Variants in SOX5 observed in about 807,000 individuals in gnomAD.
The protein encoded by SOX5 is transcription factor SOX-5.
A neutral mutation model predicts 92.0 loss-of-function variants in SOX5; 9 were observed. That is an observed-to-expected ratio of 0.10 (90% CI 0.06 to 0.17). The LOEUF is 0.17. Ranked by LOEUF, SOX5 falls within the 10% of genes least tolerant of loss-of-function variation. SOX5 has a pLI of 1.00. For missense variants in SOX5, 642 were observed against 944.5 expected, an observed-to-expected ratio of 0.68 and a Z score of 4.20; for synonymous variants, 344 against 336.3, an observed-to-expected ratio of 1.02 and a Z score of -0.25.
chr12:23,962,935 C>A (rs1438082150), intron 4 of SOX5, among the ~76,000 whole-genome samples: 2 of 152,084 alleles, frequency 1.3e-5, no homozygotes, highest in African/African-American at 2.4e-5. Flanking sequence ...CCCCTCAATT[C>A]ACTAAAAGAA....
In SOX5 at chr12:23,933,272, C is replaced by T. The variant is rs538882298; in HGVS notation, c.38+16292G>A. Among the ~76,000 whole-genome samples the T allele has an allele frequency of 8.5e-4, 129 of 151,730 alleles. 2 individuals are homozygous for T. The South Asian group carries it at 0.023, about 28-fold the overall frequency. ...TCATCTCTTTGTCCAGCTTTACCCA[C>T]GCTATATATCCTGCCTCAATTATCA... On this transcript the variant is annotated intron_variant, in intron 1 of 14. Coordinates refer to ENST00000451604, the MANE Select transcript of SOX5 (RefSeq NM_006940.6).
chr12:23,753,454 ACT>A (rs890235748), intron 4 of SOX5, among the ~76,000 whole-genome samples: 2 of 151,642 alleles, frequency 1.3e-5, no homozygotes, highest in African/African-American at 4.8e-5. Context: ...GCACACCAAG[ACT>A]CTGTGAATAC....
intron 3 of SOX5, among the ~76,000 whole-genome samples, chr12:23,766,990 ACT>A (rs561232847): frequency 5.1e-4 from 78 of 152,036 alleles, no homozygotes; most frequent in Non-Finnish European, 7.6e-4. Flanking sequence ...AAGGCGAGAG[ACT>A]CTCTTGAACC....
At chr12:23,919,843 C>A (rs546538671) in intron 1 of SOX5, among the ~76,000 whole-genome samples, 1 of 152,234 alleles carries the variant, frequency 6.6e-6, no homozygotes, top group South Asian at 2.1e-4. Flanking sequence ...CAAAAATAAC[C>A]CTAAAAATGG....
chr12:24,003,061 T>C (rs11047196), intron 4 of SOX5, among the ~76,000 whole-genome samples: 51,866 of 151,834 alleles, frequency 0.34, 9,852 homozygotes, highest in East Asian at 0.63. Context: ...TCAATGAAAA[T>C]TGACTATCAC....
At chr12:24,184,080 T>C (rs886146934) in intron 4 of SOX5, among the ~76,000 whole-genome samples, 2 of 152,190 alleles carry the variant, frequency 1.3e-5, no homozygotes, top group Admixed American at 6.6e-5. Flanking sequence ...TTAGATTTGA[T>C]TCTGGTTTTT....
intron 2 of SOX5, among the ~76,000 whole-genome samples, chr12:23,876,807 T>C (rs1595289357): frequency 6.6e-6 from 1 of 152,188 alleles, no homozygotes; most frequent in Non-Finnish European, 1.5e-5. Context: ...TGGAATACTA[T>C]GCAGCCATAA....
At chr12:23,945,367 T>A (rs1050897623) in intron 1 of SOX5, among the ~76,000 whole-genome samples, 2 of 152,142 alleles carry the variant, frequency 1.3e-5, no homozygotes, top group African/African-American at 4.8e-5. Context: ...TGTGAAGTAA[T>A]CATAATATTT....
intron 3 of SOX5, among the ~76,000 whole-genome samples, chr12:23,787,225 C>T (rs1238343946): frequency 6.6e-6 from 1 of 151,888 alleles, no homozygotes; most frequent in Non-Finnish European, 1.5e-5. Flanking sequence ...ACTGATAAAA[C>T]AAGCATTTAG....
chr12:24,232,393 C>A (rs903042600), intron 3 of SOX5, among the ~76,000 whole-genome samples: 1 of 152,158 alleles, frequency 6.6e-6, no homozygotes, highest in South Asian at 2.1e-4. Context: ...CAGAGCCACA[C>A]TTATGGCTGT....
chr12:23,836,043 A>C (rs1305382543), intron 3 of SOX5, among the ~76,000 whole-genome samples: 1 of 151,844 alleles, frequency 6.6e-6, no homozygotes, highest in East Asian at 1.9e-4. Flanking sequence ...AATGCATAAT[A>C]TACACTTAAT....
At chr12:24,087,843 A>G (rs948456736) in intron 4 of SOX5, among the ~76,000 whole-genome samples, 1 of 152,076 alleles carries the variant, frequency 6.6e-6, no homozygotes, top group Non-Finnish European at 1.5e-5. Context: ...ACCACTCTAA[A>G]TATTCACATC....
At chr12:23,742,030 A>AC (rs1230487769) in intron 4 of SOX5, among the ~76,000 whole-genome samples, 2 of 152,282 alleles carry the variant, frequency 1.3e-5, no homozygotes, top group East Asian at 3.9e-4. Flanking sequence ...GTAGGAGAGA[A>AC]CACCCTCTTT....
intron 4 of SOX5, among the ~76,000 whole-genome samples, chr12:24,140,004 T>C (rs1950434395): frequency 6.6e-6 from 1 of 152,020 alleles, no homozygotes; most frequent in South Asian, 2.1e-4. Flanking sequence ...CTTATCAGGG[T>C]TTGTTTGTTT....
At chr12:23,745,767 A>C (rs868138768) in intron 4 of SOX5, among the ~76,000 whole-genome samples, 1 of 152,080 alleles carries the variant, frequency 6.6e-6, no homozygotes, top group Admixed American at 6.6e-5. Flanking sequence ...TCTACACAGC[A>C]TATGTGTAGA....
intron 4 of SOX5, among the ~76,000 whole-genome samples, chr12:24,143,725 G>A (rs1447415843): frequency 1.3e-5 from 2 of 151,966 alleles, no homozygotes; most frequent in African/African-American, 4.8e-5. Flanking sequence ...CAGAATCAGT[G>A]AGTTGTGGGA....
chr12:24,062,473 A>G (rs1168269975), intron 4 of SOX5, among the ~76,000 whole-genome samples: 1 of 152,232 alleles, frequency 6.6e-6, no homozygotes, highest in Non-Finnish European at 1.5e-5. Context: ...TCTGTGTGAC[A>G]GGGACTGATG....
At chr12:24,258,946 G>A (rs868026112) in intron 3 of SOX5, among the ~76,000 whole-genome samples, 1 of 152,188 alleles carries the variant, frequency 6.6e-6, no homozygotes, top group Non-Finnish European at 1.5e-5. Context: ...GTTCTGGTGA[G>A]CCCAAAGGCT....
chr12:23,708,809 T>C (rs569117821), intron 6 of SOX5, among the ~76,000 whole-genome samples: 4 of 152,262 alleles, frequency 2.6e-5, no homozygotes, highest in East Asian at 1.9e-4. Context: ...AGTTAGATGA[T>C]TGGGAGACTG....
Sources: allele counts gnomAD v4.1 joint callset (sites outside exome capture counted in the v4.1 genomes callset), GRCh38; gene constraint gnomAD v4.1.1; transcripts MANE v1.5; gene names NCBI Gene and HGNC (gene_info 2026-07-23, HGNC 2026-07-21).